Variants in CSMD3 observed in about 807,000 individuals in gnomAD.
The protein encoded by CSMD3 is CUB and Sushi multiple domains 3, also known as CUB and sushi domain-containing protein 3.
In CSMD3, 177 loss-of-function variants were observed where a neutral mutation model predicts 435.2. That is an observed-to-expected ratio of 0.41 (90% CI 0.36 to 0.46). The LOEUF (loss-of-function observed/expected upper bound fraction) is 0.46. Among genes scored for constraint, CSMD3 ranks in the 20% least tolerant of loss-of-function variants. The pLI is 0.34. For synonymous variants in CSMD3, 1,656 were observed against 1,520.5 expected, an observed-to-expected ratio of 1.09 and a Z score of -2.07; for missense variants, 4,265 against 4,504.6, an observed-to-expected ratio of 0.95 and a Z score of 1.52.
At position 112,787,225 on chromosome 8, in the gene CSMD3, T is replaced by A. The variant is rs145704371; in HGVS notation, c.1972+12937A>T. 5.1e-3 allele frequency among the ~76,000 whole-genome samples: 770 copies of A among 152,286 alleles called. 7 individuals carry two copies. The highest frequency in any genetic ancestry group is 0.017 in the African/African-American group (689 of 41,564). On this transcript the variant is annotated intron_variant, in intron 13 of 70. Transcript: ENST00000297405. ...GCATGTGTCTTTATAGTAGAATGAT[T>A]TATATTCCTTTTAGCATCTACCCAG...
intron 44 of CSMD3, among the ~76,000 whole-genome samples, chr8:112,335,752 T>TA (rs1824500170): frequency 6.6e-6 from 1 of 150,666 alleles, no homozygotes; most frequent in Non-Finnish European, 1.5e-5. Context: ...TTTTTTTTTT[T>TA]ACCAAAACTC....
At chr8:113,169,465 C>T (rs77880329) in intron 4 of CSMD3, among the ~76,000 whole-genome samples, 2 of 152,066 alleles carry the variant, frequency 1.3e-5, no homozygotes, top group East Asian at 3.9e-4. Context: ...TCCCTGAGCC[C>T]TCATATGCAT....
chr8:112,887,949 T>C (rs2081658398), intron 10 of CSMD3, among the ~76,000 whole-genome samples: 1 of 151,700 alleles, frequency 6.6e-6, no homozygotes, highest in South Asian at 2.1e-4. Flanking sequence ...TGTCCAACAT[T>C]ATTACTTCCT....
intron 13 of CSMD3, among the ~76,000 whole-genome samples, chr8:112,696,739 C>T (rs2131854030): frequency 6.6e-6 from 1 of 151,936 alleles, no homozygotes; most frequent in South Asian, 2.1e-4. Context: ...TCTAATTAAA[C>T]TAAAGAGCTT....
At chr8:112,609,228 A>AAAAAAAAAAAAAAT (rs1277580719) in intron 22 of CSMD3, among the ~76,000 whole-genome samples, 1 of 146,242 alleles carries the variant, frequency 6.8e-6, no homozygotes, top group African/African-American at 2.5e-5. Flanking sequence ...AAAAAAAAAA[A>AAAAAAAAAAAAAAT]AAAAGAATAG....
intron 6 of CSMD3, among the ~76,000 whole-genome samples, chr8:112,987,752 C>G (rs2085307887): frequency 1.3e-5 from 2 of 152,064 alleles, no homozygotes; most frequent in South Asian, 4.1e-4. Flanking sequence ...TATTTCTTTT[C>G]CATCACCTCC....
chr8:112,565,795 T>G (rs1668183429), intron 24 of CSMD3, among the ~76,000 whole-genome samples: 1 of 152,094 alleles, frequency 6.6e-6, no homozygotes, highest in Admixed American at 6.6e-5. Flanking sequence ...CTGTTAAAAA[T>G]ACTCAATTCC....
At position 113,359,367 on chromosome 8, in the gene CSMD3, G is replaced by A. The variant is rs542318400; in HGVS notation, c.179-44574C>T. Among the ~76,000 whole-genome samples the A allele has an allele frequency of 2.0e-5, 3 of 152,308 alleles. No homozygotes were observed. The East Asian group carries it at 5.8e-4, about 29-fold the overall frequency. On this transcript the variant is annotated intron_variant, in intron 1 of 70. Coordinates refer to ENST00000297405, the MANE Select transcript of CSMD3 (RefSeq NM_198123.2). ...GACTGCCAAAATCATAGGCAAGTAG[G>A]TGGGTGGTTTAATTGTGTAGTAAAA...
intron 1 of CSMD3, among the ~76,000 whole-genome samples, chr8:113,323,528 T>C (rs2093962914): frequency 6.6e-6 from 1 of 152,214 alleles, no homozygotes; most frequent in Non-Finnish European, 1.5e-5. Context: ...CCCTAGCAGA[T>C]ATTTTGCCCT....
At chr8:112,262,615 T>C (rs1816528658) in intron 61 of CSMD3, among the ~76,000 whole-genome samples, 1 of 152,038 alleles carries the variant, frequency 6.6e-6, no homozygotes, top group Admixed American at 6.6e-5. Context: ...GAGAAGGCAA[T>C]ACTGAAAAAA....
chr8:112,348,727 A>G (rs1825885952), intron 40 of CSMD3, among the ~76,000 whole-genome samples: 1 of 152,060 alleles, frequency 6.6e-6, no homozygotes. Context: ...TGAAACCCCA[A>G]CTTTACTAAA....
At chr8:113,230,311 T>C (rs2093071099) in intron 3 of CSMD3, among the ~76,000 whole-genome samples, 1 of 151,696 alleles carries the variant, frequency 6.6e-6, no homozygotes, top group Non-Finnish European at 1.5e-5. Context: ...CCTTGTAGAA[T>C]TATGGGATTG....
chr8:113,019,304 A>C, intron 5 of CSMD3, 125 bp from the exon 6 acceptor site: 1 of 704,484 alleles, frequency 1.4e-6, no homozygotes, highest in Non-Finnish European at 2.6e-6. Flanking sequence ...CTTTTTAAGC[A>C]CAAATGAAAT....
chr8:112,349,459 A>G (rs1363735984), intron 40 of CSMD3, among the ~76,000 whole-genome samples: 1 of 152,134 alleles, frequency 6.6e-6, no homozygotes, highest in Non-Finnish European at 1.5e-5. Context: ...TTCAGGCACT[A>G]GCAATATGGT....
At chr8:113,162,584 A>C (rs980524803) in intron 4 of CSMD3, among the ~76,000 whole-genome samples, 4 of 151,794 alleles carry the variant, frequency 2.6e-5, no homozygotes, top group Non-Finnish European at 4.4e-5. Context: ...AAAAAAAAAA[A>C]AAAAAAAAAC....
intron 1 of CSMD3, among the ~76,000 whole-genome samples, chr8:113,359,967 A>G (rs72670782): frequency 0.11 from 16,315 of 152,214 alleles, 941 homozygotes; most frequent in Middle Eastern, 0.17. Flanking sequence ...TGGGGAATGA[A>G]GTTCTGAAGT....
chr8:113,346,517 GA>G (rs2094152261), intron 1 of CSMD3, among the ~76,000 whole-genome samples: 1 of 151,992 alleles, frequency 6.6e-6, no homozygotes, highest in Non-Finnish European at 1.5e-5. Flanking sequence ...AAGGAAACTA[GA>G]TTTTTTTTAA....
In CSMD3 at chr8:112,244,380, T is replaced by C. The variant is rs1814487183; in HGVS notation, c.10402+14A>G. ...AATCTCTTGTGTTAAAAAGATTCTA[T>C]AGAGAAAACTTACCTTCACAAATGG... On this transcript the variant is annotated intron_variant, in intron 65 of 70. Coordinates refer to ENST00000297405, the MANE Select transcript of CSMD3 (RefSeq NM_198123.2). The C allele has an allele frequency of 4.4e-6, 7 of 1,604,064 alleles. No individual in the cohort carries two copies. Among genetic ancestry groups the C allele is most frequent in the African/African-American group, 1.3e-5 (1 of 74,686 alleles).
intron 4 of CSMD3, among the ~76,000 whole-genome samples, chr8:113,112,047 C>A (rs189135150): frequency 3.9e-5 from 6 of 151,998 alleles, no homozygotes; most frequent in Non-Finnish European, 8.8e-5. Flanking sequence ...CCCTGGCAAT[C>A]ATTTACTTAT....
Sources: gnomAD v4.1 joint callset for allele counts (sites outside exome capture counted in the v4.1 genomes callset) on GRCh38, gnomAD v4.1.1 for gene constraint, MANE v1.5 for transcripts, NCBI Gene and HGNC (gene_info 2026-07-23, HGNC 2026-07-21) for gene names.